Variants in HS3ST4 observed in about 807,000 individuals in gnomAD.
HS3ST4 encodes the protein heparan sulfate-glucosamine 3-sulfotransferase 4.
HS3ST4 carries 17 observed loss-of-function variants against 29.2 expected under a neutral mutation model. The ratio of observed to expected loss-of-function variants is 0.58; its 90% CI spans 0.40 to 0.87. The LOEUF is 0.87. HS3ST4 is among the 40% of genes least tolerant of loss of function. The pLI is 0.00. For synonymous variants in HS3ST4, 314 were observed against 285.7 expected (o/e 1.10, Z -1.00); for missense variants, 627 against 634.5 (o/e 0.99, Z 0.13).
chr16:25,728,587 G>T (rs1351300980), intron 1 of HS3ST4, among the ~76,000 whole-genome samples: 4 of 152,196 alleles, frequency 2.6e-5, no homozygotes, highest in Non-Finnish European at 5.9e-5. Context: ...GGTAAGGAAA[G>T]TATTCATGGG....
rs148536296 is a variant in HS3ST4 at position 25,953,955 on chromosome 16, C to G, written c.735-181657C>G. Among the ~76,000 whole-genome samples the G allele has an allele frequency of 1.8e-3, 273 of 152,238 alleles. 1 individual carries two copies. The highest frequency in any genetic ancestry group is 6.5e-3 in the African/African-American group (268 of 41,550). On this transcript the variant is annotated intron_variant, in intron 1 of 1. Coordinates refer to ENST00000331351, the MANE Select transcript of HS3ST4 (RefSeq NM_006040.3). ...TGCGGGTGCTACCTCTCTGGCACTT[C>G]CAGTTTCCTTTTCGTGGACTGAACA... is the stretch of plus-strand genomic sequence containing the variant.
intron 1 of HS3ST4, among the ~76,000 whole-genome samples, chr16:25,982,275 C>T (rs767342289): frequency 5.9e-5 from 9 of 152,286 alleles, no homozygotes; most frequent in Admixed American, 1.3e-4. Context: ...AATTCTTTGA[C>T]GTTCTAATAG....
chr16:25,765,401 C>T (rs145130371), intron 1 of HS3ST4, among the ~76,000 whole-genome samples: 65 of 152,272 alleles, frequency 4.3e-4, no homozygotes, highest in Non-Finnish European at 5.4e-4. Flanking sequence ...GCTGAATCCC[C>T]GAATGCTCCT....
chr16:26,042,086 A>C (rs541606395), intron 1 of HS3ST4, among the ~76,000 whole-genome samples: 98 of 152,296 alleles, frequency 6.4e-4, no homozygotes, highest in African/African-American at 2.3e-3. Context: ...ACTGGCTCTT[A>C]TTCAAAAATC....
At chr16:25,859,401 GTAAGTAATTCACCTAA>G (rs1422046249) in intron 1 of HS3ST4, among the ~76,000 whole-genome samples, 1 of 152,182 alleles carries the variant, frequency 6.6e-6, no homozygotes, top group Non-Finnish European at 1.5e-5. Flanking sequence ...GCACTGAGAG[GTAAGTAATTCACCTAA>G]TAAGTGCAGG....
chr16:25,922,689 A>G (rs1471067542), intron 1 of HS3ST4, among the ~76,000 whole-genome samples: 2 of 152,248 alleles, frequency 1.3e-5, no homozygotes, highest in Non-Finnish European at 2.9e-5. Context: ...CTGTTAAGCC[A>G]TATGCTTACA....
At chr16:26,028,500 A>G (rs2141751915) in intron 1 of HS3ST4, among the ~76,000 whole-genome samples, 1 of 152,128 alleles carries the variant, frequency 6.6e-6, no homozygotes, top group Admixed American at 6.5e-5. Context: ...TTGGTCTCCA[A>G]CTCCTGGTCT....
At chr16:26,032,456 A>G (rs944146980) in intron 1 of HS3ST4, 2 of 934,590 alleles carry the variant, frequency 2.1e-6, no homozygotes. Context: ...ACAAAATTCC[A>G]CATTTTTATA....
At chr16:26,130,485 C>T (rs1899402525) in intron 1 of HS3ST4, among the ~76,000 whole-genome samples, 1 of 152,128 alleles carries the variant, frequency 6.6e-6, no homozygotes, top group Non-Finnish European at 1.5e-5. Flanking sequence ...ACATGTCAGA[C>T]ACTGTGTTTG....
intron 1 of HS3ST4, among the ~76,000 whole-genome samples, chr16:25,986,698 G>T (rs573127635): frequency 1.5e-4 from 23 of 152,286 alleles, no homozygotes; most frequent in Middle Eastern, 3.4e-3. Context: ...TTCTGTTACG[G>T]CGTTAATTTT....
At chr16:26,046,110 G>A (rs1387873345) in intron 1 of HS3ST4, among the ~76,000 whole-genome samples, 1 of 148,834 alleles carries the variant, frequency 6.7e-6, no homozygotes, top group East Asian at 2.0e-4. Flanking sequence ...CACAAGTTTT[G>A]GCTGTGCTTA....
chr16:25,741,788 C>G lies in HS3ST4; in HGVS notation c.734+48637C>G, dbSNP rs140521831. On this transcript the variant is annotated intron_variant, in intron 1 of 1. Coordinates refer to ENST00000331351, the MANE Select transcript of HS3ST4 (RefSeq NM_006040.3). ...CTCTCTGACACTATTATCACAATCCCTTATACCAGTAAGGACACCAAGGCT... is the reference window on the plus strand; with the variant it reads ...CTCTCTGACACTATTATCACAATCCGTTATACCAGTAAGGACACCAAGGCT... Among the ~76,000 whole-genome samples, 22 of 152,220 alleles carry G rather than the reference C, an allele frequency of 1.4e-4. No individual in the cohort carries two copies. The East Asian group carries it at 4.3e-3, about 29-fold the overall frequency.
At chr16:26,004,575 G>A (rs1407977587) in intron 1 of HS3ST4, among the ~76,000 whole-genome samples, 1 of 152,202 alleles carries the variant, frequency 6.6e-6, no homozygotes, top group Non-Finnish European at 1.5e-5. Flanking sequence ...TCATAAGACA[G>A]CTAGAGGCCA....
intron 1 of HS3ST4, among the ~76,000 whole-genome samples, chr16:25,778,430 G>T (rs2141614127): frequency 6.6e-6 from 1 of 152,284 alleles, no homozygotes; most frequent in Admixed American, 6.5e-5. Context: ...GGAGAAAGTT[G>T]GCTTCTCTTA....
chr16:25,774,676 T>A (rs1315018907), intron 1 of HS3ST4, among the ~76,000 whole-genome samples: 1 of 152,220 alleles, frequency 6.6e-6, no homozygotes, highest in Non-Finnish European at 1.5e-5. Context: ...ATGCAATGTG[T>A]AGGAAGTGCC....
intron 1 of HS3ST4, among the ~76,000 whole-genome samples, chr16:26,064,842 C>G (rs1475461236): frequency 1.3e-5 from 2 of 152,036 alleles, no homozygotes; most frequent in Non-Finnish European, 2.9e-5. Flanking sequence ...GTCTCGAACT[C>G]CCAACCTCAG....
chr16:25,983,255 C>A (rs1255176017), intron 1 of HS3ST4, among the ~76,000 whole-genome samples: 2 of 152,172 alleles, frequency 1.3e-5, no homozygotes, highest in East Asian at 3.9e-4. Flanking sequence ...CTTTTTCACT[C>A]TTGCCTAAGT....
chr16:25,786,803 A>T (rs4334303), intron 1 of HS3ST4, among the ~76,000 whole-genome samples: 146,461 of 151,988 alleles, frequency 0.96, 70,756 homozygotes, highest in East Asian at 1. Context: ...TATACTATTT[A>T]AAAAAAAACC....
intron 1 of HS3ST4, among the ~76,000 whole-genome samples, chr16:25,881,230 T>C (rs901734719): frequency 6.6e-6 from 1 of 152,194 alleles, no homozygotes; most frequent in Non-Finnish European, 1.5e-5. Flanking sequence ...ACATTCAACT[T>C]CATTTTGAGT....
Sources: allele counts gnomAD v4.1 joint callset (sites outside exome capture counted in the v4.1 genomes callset), GRCh38; gene constraint gnomAD v4.1.1; transcripts MANE v1.5; gene names NCBI Gene and HGNC (gene_info 2026-07-23, HGNC 2026-07-21).